The following VRK2 variants were observed in gnomAD, a reference collection of about 807,000 sequenced individuals.
VRK2 encodes the protein serine/threonine-protein kinase VRK2.
A neutral mutation model predicts 57.6 loss-of-function variants in VRK2; 60 were observed. The ratio of observed to expected loss-of-function variants is 1.04; its 90% CI spans 0.85 to 1.29. The LOEUF is 1.29. VRK2 is among the 50% of genes most tolerant of loss of function. VRK2 has a pLI of 0.00. For synonymous variants in VRK2, 231 were observed against 199.2 expected (o/e 1.16, Z -1.35); for missense variants, 705 against 588.1 (o/e 1.20, Z -2.06).
intron 1 of VRK2, among the ~76,000 whole-genome samples, chr2:57,919,647 T>G (rs944762648): frequency 1.3e-5 from 2 of 152,118 alleles, no homozygotes; most frequent in African/African-American, 4.8e-5. Context: ...ATCCAGAAAT[T>G]TTGAAGGACT....
At chr2:58,006,262 T>G (rs1385062624) in intron 1 of VRK2, among the ~76,000 whole-genome samples, 2 of 152,214 alleles carry the variant, frequency 1.3e-5, no homozygotes, top group Admixed American at 1.3e-4. Flanking sequence ...ATTCTGCATT[T>G]AATGTTAAAG....
chr2:58,048,622 C>T (rs745789711), intron 1 of VRK2: 9 of 1,485,050 alleles, frequency 6.1e-6, no homozygotes, highest in Non-Finnish European at 9.0e-7. Context: ...AATATCTATA[C>T]CTCTTAGATC....
intron 1 of VRK2, among the ~76,000 whole-genome samples, chr2:57,967,629 G>T (rs945962030): frequency 2.6e-5 from 4 of 151,782 alleles, no homozygotes; most frequent in African/African-American, 7.3e-5. Context: ...ACTGACCTAC[G>T]TTCTAGTGTT....
intron 1 of VRK2, among the ~76,000 whole-genome samples, chr2:58,012,496 G>T (rs1300970786): frequency 6.6e-6 from 1 of 152,116 alleles, no homozygotes; most frequent in Non-Finnish European, 1.5e-5. Flanking sequence ...TATTTATCAG[G>T]CATGCTTAAT....
chr2:58,072,929 G>A (rs993375708), intron 2 of VRK2, among the ~76,000 whole-genome samples: 1 of 151,942 alleles, frequency 6.6e-6, no homozygotes, highest in East Asian at 1.9e-4. Context: ...ATTTATTTTA[G>A]ATCTTTCTCC....
At chr2:58,001,651 G>A (rs551752027) in intron 1 of VRK2, among the ~76,000 whole-genome samples, 8 of 152,020 alleles carry the variant, frequency 5.3e-5, no homozygotes, top group East Asian at 3.9e-4. Context: ...ATGAAACCCC[G>A]TCTCTATTAA....
upstream of VRK2, among the ~76,000 whole-genome samples, chr2:58,042,840 C>G (rs1674515119): frequency 6.6e-6 from 1 of 152,132 alleles, no homozygotes; most frequent in Non-Finnish European, 1.5e-5. Flanking sequence ...TCACACTTCA[C>G]TGCTTTCATG....
Position 58,073,349 on chromosome 2 carries a change from C to T in VRK2, c.137-10740C>T, listed in dbSNP as rs113107832. 3.2e-3 allele frequency among the ~76,000 whole-genome samples: 492 copies of T among 151,948 alleles called. 7 individuals are homozygous for T. The highest frequency in any genetic ancestry group is 0.011 in the African/African-American group (463 of 41,480). On this transcript the variant is annotated intron_variant, in intron 2 of 12. Coordinates refer to ENST00000340157, the MANE Select transcript of VRK2 (RefSeq NM_006296.7). The stretch of plus-strand genomic sequence containing the variant: ...TGATTGGTGGTGCTGTCAGTTCAAC[C>T]GTATTCTTATTAACTTTTTGCCTGC...
intron 10 of VRK2, among the ~76,000 whole-genome samples, chr2:58,136,908 T>TATA (rs67739028): frequency 1.1e-3 from 3 of 2,838 alleles, no homozygotes; most frequent in Non-Finnish European, 6.6e-3. Context: ...ATATATCATA[T>TATA]ATATATCATA....
At chr2:58,079,999 ACTTTTTTATTT>A (rs1670633518) in intron 2 of VRK2, among the ~76,000 whole-genome samples, 1 of 151,920 alleles carries the variant, frequency 6.6e-6, no homozygotes, top group Non-Finnish European at 1.5e-5. Flanking sequence ...TCTCCAGGTA[ACTTTTTTATTT>A]GTTAATTTAT....
intron 7 of VRK2, among the ~76,000 whole-genome samples, chr2:58,095,384 G>T (rs756145068): frequency 5.3e-5 from 8 of 151,842 alleles, no homozygotes; most frequent in African/African-American, 1.7e-4. Flanking sequence ...ACATCTGTAT[G>T]ATGTATAGAT....
rs1001777269 is a variant in VRK2, at chr2:58,115,891, A to G, written c.544-7210A>G. On this transcript the variant is annotated intron_variant, in intron 7 of 12. Coordinates refer to ENST00000340157, the MANE Select transcript of VRK2 (RefSeq NM_006296.7). ...GATGAAGGGTGCAAAGGAATAGTAA[A>G]GAAAGCATGTTTGAGATCCAGAACA... Among the ~76,000 whole-genome samples, 16 of 152,334 alleles carry G rather than the reference A, an allele frequency of 1.1e-4. 1 individual carries two copies. The highest frequency in any genetic ancestry group is 3.6e-4 in the African/African-American group (15 of 41,576).
At chr2:58,128,889 T>G (rs867300808) in intron 8 of VRK2, among the ~76,000 whole-genome samples, 5 of 152,228 alleles carry the variant, frequency 3.3e-5, no homozygotes, top group South Asian at 2.1e-4. Flanking sequence ...ATTTTAATTA[T>G]GCGTTCTACT....
chr2:57,941,998 T>C (rs958274861), intron 1 of VRK2, among the ~76,000 whole-genome samples: 6 of 152,214 alleles, frequency 3.9e-5, no homozygotes, highest in Non-Finnish European at 8.8e-5. Flanking sequence ...CATGTCTTAA[T>C]TGTTCCCAAG....
At chr2:58,046,743 A>T, upstream of VRK2, 3 of 985,536 alleles carry the variant, frequency 3.0e-6, no homozygotes, top group Non-Finnish European at 3.6e-6. Flanking sequence ...GGCAGGTCCT[A>T]GGGAGGGCAG....
chr2:57,966,725 TAAG>T (rs1273885585), intron 1 of VRK2, among the ~76,000 whole-genome samples: 1 of 152,092 alleles, frequency 6.6e-6, no homozygotes, highest in East Asian at 1.9e-4. Context: ...AATATTAAAA[TAAG>T]AATAACAGTT....
At chr2:58,021,645 T>C (rs187221883) in intron 1 of VRK2, among the ~76,000 whole-genome samples, 6 of 152,316 alleles carry the variant, frequency 3.9e-5, no homozygotes, top group African/African-American at 7.2e-5. Context: ...TTCTTTGTAA[T>C]AGAACTTTCC....
chr2:58,111,011 C>G lies in VRK2; in HGVS notation c.544-12090C>G, dbSNP rs143596125. On this transcript the variant is annotated intron_variant, in intron 7 of 12. Coordinates refer to ENST00000340157, the MANE Select transcript of VRK2 (RefSeq NM_006296.7). ...GGATGTCGACTTATTGCATTCCTTA[C>G]AAGTAAAGGGCCGCTTCTTTCTTGA... Among the ~76,000 whole-genome samples the G allele has an allele frequency of 7.6e-4, 115 of 152,272 alleles. 1 individual carries two copies. The highest frequency in any genetic ancestry group is 1.2e-3 in the Non-Finnish European group (85 of 68,032).
chr2:57,929,274 A>T (rs1370277325), intron 1 of VRK2, among the ~76,000 whole-genome samples: 1 of 152,196 alleles, frequency 6.6e-6, no homozygotes, highest in Non-Finnish European at 1.5e-5. Context: ...GCCACACGAC[A>T]GAGTCCTTCT....
Sources: gnomAD v4.1 joint callset for allele counts (sites outside exome capture counted in the v4.1 genomes callset) on GRCh38, gnomAD v4.1.1 for gene constraint, MANE v1.5 for transcripts, NCBI Gene and HGNC (gene_info 2026-07-23, HGNC 2026-07-21) for gene names.